ACTR3B: variants seen among roughly 807,000 people sequenced by gnomAD.
ACTR3B encodes actin-related protein 3B.
Under a neutral mutation model 59.0 loss-of-function variants are expected in ACTR3B, and 8 were observed. The observed-to-expected ratio is 0.14, with a 90% CI of 0.08 to 0.24. The LOEUF is 0.24. Among genes scored for constraint, ACTR3B ranks in the 10% least tolerant of loss-of-function variants. The probability of loss-of-function intolerance (pLI) is 1.00; values close to 1 mark genes in which losing one functional copy is unlikely to be tolerated. For synonymous variants in ACTR3B, 148 were observed against 197.9 expected (o/e 0.75, Z 2.12); for missense variants, 245 against 552.3 (o/e 0.44, Z 5.58).
intron 4 of ACTR3B, chr7:152,811,255 A>C (rs982551710): frequency 6.7e-6 from 1 of 148,530 alleles, no homozygotes; most frequent in Admixed American, 6.8e-5. Flanking sequence ...ATAGCAACTC[A>C]CTTCCATTGA....
chr7:152,820,948 TCTC>T (rs1796099329), intron 7 of ACTR3B, among the ~76,000 whole-genome samples: 1 of 152,350 alleles, frequency 6.6e-6, no homozygotes, highest in Non-Finnish European at 1.5e-5. Context: ...CACCCACACT[TCTC>T]CTCACTGCCT....
chr7:152,828,717 C>T (rs2689572), intron 9 of ACTR3B, among the ~76,000 whole-genome samples: 9 of 152,112 alleles, frequency 5.9e-5, no homozygotes, highest in Non-Finnish European at 7.4e-5. Context: ...ACCTGCTGGG[C>T]CACTCTTGCC....
At chr7:152,845,311 C>T (rs890334902) in intron 9 of ACTR3B, among the ~76,000 whole-genome samples, 63 of 152,296 alleles carry the variant, frequency 4.1e-4, no homozygotes, top group Non-Finnish European at 7.9e-4. Context: ...TTTCTGAGCT[C>T]ATGATGTTCC....
intron 9 of ACTR3B, among the ~76,000 whole-genome samples, chr7:152,825,540 C>T (rs1407233971): frequency 3.9e-5 from 6 of 152,192 alleles, no homozygotes; most frequent in Admixed American, 3.9e-4. Context: ...TGGTCTCGAA[C>T]TCCTGAGCTC....
chr7:152,760,983 T>C (rs940602459), intron 1 of ACTR3B, among the ~76,000 whole-genome samples: 5 of 152,202 alleles, frequency 3.3e-5, no homozygotes, highest in Non-Finnish European at 5.9e-5. Flanking sequence ...TTCTTTTCTA[T>C]AGAAAAATGC....
chr7:152,778,249 C>CTTT (rs2098141244), intron 1 of ACTR3B, among the ~76,000 whole-genome samples: 1 of 124,122 alleles, frequency 8.1e-6, no homozygotes, highest in Non-Finnish European at 1.7e-5. Context: ...TTTTTTACTA[C>CTTT]TTATGTTTTT....
chr7:152,831,466 G>A lies in ACTR3B; in HGVS notation c.951+6344G>A, dbSNP rs539124757. Among the ~76,000 whole-genome samples the A allele has an allele frequency of 2.1e-3, 325 of 152,316 alleles. 2 individuals carry two copies. The highest frequency in any genetic ancestry group is 7.6e-3 in the African/African-American group (316 of 41,588). ...AGTGGTGCTCGGTGGTGATGGCAGTGTCTGTCTCTGTGCTGCCCAGGGTGG... is the reference window on the plus strand; with the variant it reads ...AGTGGTGCTCGGTGGTGATGGCAGTATCTGTCTCTGTGCTGCCCAGGGTGG... On this transcript the variant is annotated intron_variant, in intron 9 of 11. Coordinates refer to ENST00000256001, the MANE Select transcript of ACTR3B (RefSeq NM_020445.6).
chr7:152,831,513 A>T (rs1022268983), intron 9 of ACTR3B, among the ~76,000 whole-genome samples: 12 of 152,144 alleles, frequency 7.9e-5, no homozygotes, highest in African/African-American at 2.9e-4. Context: ...CTGAAATGTG[A>T]CTGGTGCAGC....
At chr7:152,787,203 T>C (rs2689466) in intron 2 of ACTR3B, among the ~76,000 whole-genome samples, 1 of 152,190 alleles carries the variant, frequency 6.6e-6, no homozygotes, top group African/African-American at 2.4e-5. Context: ...TTGTGTGACT[T>C]ACATTTTGGT....
At chr7:152,767,552 A>T (rs1381115963) in intron 1 of ACTR3B, among the ~76,000 whole-genome samples, 1 of 152,120 alleles carries the variant, frequency 6.6e-6, no homozygotes, top group Admixed American at 6.6e-5. Flanking sequence ...TTTTATTGGG[A>T]TTTTATTAAA....
intron 1 of ACTR3B, 126 bp downstream of exon 1, chr7:152,760,052 G>C: frequency 1.2e-6 from 1 of 860,290 alleles, no homozygotes; most frequent in Non-Finnish European, 1.5e-6. Flanking sequence ...CACCTGGGCA[G>C]GTGGGGCGCC....
chr7:152,779,825 A>AT (rs1590225002), intron 1 of ACTR3B, among the ~76,000 whole-genome samples: 2 of 152,332 alleles, frequency 1.3e-5, no homozygotes, highest in East Asian at 3.9e-4. Context: ...TTTTATTAAA[A>AT]TTTTAAATTT....
At chr7:152,818,138 G>C (rs1383494522) in intron 6 of ACTR3B, among the ~76,000 whole-genome samples, 1 of 152,212 alleles carries the variant, frequency 6.6e-6, no homozygotes, top group East Asian at 1.9e-4. Flanking sequence ...TTTCCTCAGA[G>C]AGCTGTGCTG....
intron 1 of ACTR3B, among the ~76,000 whole-genome samples, chr7:152,768,333 C>T (rs901700298): frequency 1.3e-5 from 2 of 152,222 alleles, no homozygotes; most frequent in African/African-American, 4.8e-5. Flanking sequence ...GAGGCCATTA[C>T]CTCCAAAGCA....
chr7:152,805,804 G>A (rs554965688), intron 4 of ACTR3B, among the ~76,000 whole-genome samples: 1 of 152,140 alleles, frequency 6.6e-6, no homozygotes. Context: ...GTATGTTGTC[G>A]CCTCCTCTCC....
At chr7:152,818,782 A>T (rs906536150) in intron 6 of ACTR3B, among the ~76,000 whole-genome samples, 5 of 152,260 alleles carry the variant, frequency 3.3e-5, no homozygotes, top group Non-Finnish European at 7.3e-5. Flanking sequence ...GTGCTCACGC[A>T]TGCGTGCACA....
intron 9 of ACTR3B, among the ~76,000 whole-genome samples, chr7:152,833,031 T>C (rs1189307973): frequency 9.9e-5 from 15 of 152,040 alleles, no homozygotes; most frequent in African/African-American, 2.9e-4. Context: ...AAGAAAACTC[T>C]AGAAGCCAGG....
chr7:152,818,777 C>T (rs114753426), intron 6 of ACTR3B, among the ~76,000 whole-genome samples: 3,725 of 152,094 alleles, frequency 0.024, 152 homozygotes, highest in African/African-American at 0.084. Flanking sequence ...CACGTGTGCT[C>T]ACGCATGCGT....
intron 9 of ACTR3B, among the ~76,000 whole-genome samples, chr7:152,836,720 G>A (rs1305264384): frequency 1.3e-5 from 2 of 152,180 alleles, no homozygotes; most frequent in African/African-American, 2.4e-5. Flanking sequence ...TGCTAGATTC[G>A]CTGATGAGAG....
Sources: allele counts gnomAD v4.1 joint callset (sites outside exome capture counted in the v4.1 genomes callset), GRCh38; gene constraint gnomAD v4.1.1; transcripts MANE v1.5; gene names NCBI Gene and HGNC (gene_info 2026-07-23, HGNC 2026-07-21).